Variants in PTGS2 observed in about 807,000 individuals in gnomAD.
PTGS2 encodes prostaglandin G/H synthase 2.
Under a neutral mutation model 63.8 loss-of-function variants are expected in PTGS2, and 14 were observed. The ratio of observed to expected loss-of-function variants is 0.22; its 90% CI spans 0.14 to 0.34. The LOEUF is 0.34. Ranked by LOEUF, PTGS2 falls within the 10% of genes least tolerant of loss-of-function variation. The pLI is 1.00. For missense variants in PTGS2, 533 were observed against 738.5 expected, an observed-to-expected ratio of 0.72 and a Z score of 3.23; for synonymous variants, 271 against 259.5, an observed-to-expected ratio of 1.04 and a Z score of -0.43.
Position 186,677,122 on chromosome 1 carries a change from C to T in PTGS2, c.640-206G>A, listed in dbSNP as rs20433. On this transcript the variant is annotated intron_variant, in intron 5 of 9. Coordinates refer to ENST00000367468, the MANE Select transcript of PTGS2 (RefSeq NM_000963.4). ...CAAACTGATATGTCTTTGTGTTTAA[C>T]GGAATTAATATACTATATTGAGCTT... Among the ~76,000 whole-genome samples the T allele has an allele frequency of 2.2e-4, 34 of 151,880 alleles. 1 individual carries two copies. The East Asian group carries it at 3.3e-3, about 15-fold the overall frequency.
chr1:186,676,802 A>T, intron 6 of PTGS2, 31 bp downstream of exon 6: 2 of 1,604,634 alleles, frequency 1.2e-6, no homozygotes, highest in Non-Finnish European at 1.7e-6. Flanking sequence ...AAGCGGTAAT[A>T]ACTAAGTCTT....
At chr1:186,678,520 T>TA (rs970443873) in intron 3 of PTGS2, 116 bp from the exon 4 acceptor site, 75 of 979,822 alleles carry the variant, frequency 7.7e-5, no homozygotes, top group South Asian at 3.3e-4. Context: ...AACTCCAAAA[T>TA]AAAAAAAATC....
Position 186,674,482 on chromosome 1 carries a change from G to A in PTGS2, c.1686C>T (p.Pro562=), listed in dbSNP as rs777108523. ...SLICNNVKGC[P]FTSFSVPDPE... is the part of the protein sequence containing the mutation. Reference sequence around the variant, plus strand: ...GATCTGGAACACTGAATGAAGTAAAGGGACAGCCCTTCACGTTATTGCAGA... The same window carrying A: ...GATCTGGAACACTGAATGAAGTAAAAGGACAGCCCTTCACGTTATTGCAGA... The change falls in exon 10 of 10, where the codon CCC becomes CCT. Residue 562 remains proline (P), a synonymous_variant. Coordinates refer to ENST00000367468, the MANE Select transcript of PTGS2 (RefSeq NM_000963.4). 1.1e-5 allele frequency: 18 copies of A among 1,614,036 alleles called. No individual in the cohort carries two copies. The highest frequency in any genetic ancestry group is 1.4e-5 in the Non-Finnish European group (17 of 1,180,040).
intron 9 of PTGS2, 94 bp downstream of exon 9, chr1:186,675,155 T>C: frequency 6.6e-7 from 1 of 1,508,656 alleles, no homozygotes; most frequent in Non-Finnish European, 9.0e-7. Flanking sequence ...CCAGCCTGGG[T>C]GACAGAGGGC....
At chr1:186,680,190 C>A (rs1390077682) in intron 1 of PTGS2, 49 bp downstream of exon 1, 3 of 1,549,634 alleles carry the variant, frequency 1.9e-6, no homozygotes, top group Admixed American at 2.0e-5. Flanking sequence ...GGAAACTCTG[C>A]CCGGGTGCGT....
Position 186,678,231 on chromosome 1 carries a change from A to G in PTGS2, c.457+30T>C, listed in dbSNP as rs200589642. On this transcript the variant is annotated intron_variant, in intron 4 of 9. Transcript: ENST00000367468. ...AGCAATGCAGCCCGTCTTATAGTTA[A>G]TACATCTCTAATGGATTCTTCTTAC... is the stretch of plus-strand genomic sequence containing the variant. 1.9e-6 allele frequency: 3 copies of G among 1,568,208 alleles called. No individual in the cohort carries two copies. In the African/African-American group the frequency reaches 4.1e-5, roughly 22 times the overall value.
intron 8 of PTGS2, 65 bp from the exon 9 acceptor site, chr1:186,675,461 T>C: frequency 1.3e-6 from 2 of 1,563,032 alleles, no homozygotes; most frequent in Admixed American, 4.0e-5. Context: ...GTATTCAGCT[T>C]GCCTTAGGTA....
intron 7 of PTGS2, 132 bp downstream of exon 7, chr1:186,676,335 T>A (rs1274199115): frequency 1.5e-5 from 21 of 1,388,530 alleles, no homozygotes; most frequent in Non-Finnish European, 2.1e-5. Context: ...CAGTCATGCT[T>A]ACATATTTAA....
Position 186,674,731 on chromosome 1 carries a change from T to C in PTGS2, c.1437A>G (p.Ala479=). The C allele has an allele frequency of 6.2e-7, 1 of 1,613,132 alleles. No homozygotes were observed. The highest frequency in any genetic ancestry group is 1.7e-5 in the Admixed American group (1 of 59,834). The part of the protein sequence containing the change: ...GEKEMSAELE[A]LYGDIDAVEL... Reference sequence around the variant, plus strand: ...CCACAGCATCGATGTCACCATAGAGTGCTTCCAACTCTGCAGACATTTCCT... The same window carrying C: ...CCACAGCATCGATGTCACCATAGAGCGCTTCCAACTCTGCAGACATTTCCT... The change falls in exon 10 of 10, where the codon GCA becomes GCG. Residue 479 remains alanine (A), a synonymous_variant. Transcript: ENST00000367468.
Position 186,674,554 on chromosome 1 carries a change from T to A in PTGS2, c.1614A>T (p.Gly538=). Residue 538 remains glycine, a synonymous_variant, in exon 10 of 10, where the codon GGA becomes GGT. Transcript: ENST00000367468. ...PAYWKPSTFG[G]EVGFQIINTA... is the part of the protein sequence containing the mutation. ...TGTTGATGATTTGAAAACCCACTTC[T>A]CCACCAAAAGTGCTTGGCTTCCAGT... 6.2e-7 allele frequency: 1 copy of A among 1,614,180 alleles called. No individual in the cohort carries two copies.
At position 186,674,550 on chromosome 1, in the gene PTGS2, C is replaced by T; in HGVS notation, c.1618G>A (p.Val540Met). 1.2e-6 allele frequency: 2 copies of T among 1,614,234 alleles called. No homozygotes were observed. The highest frequency in any genetic ancestry group is 1.7e-6 in the Non-Finnish European group (2 of 1,180,050). ...YWKPSTFGGE[V>M]GFQIINTASI... ...GCAGTGTTGATGATTTGAAAACCCA[C>T]TTCTCCACCAAAAGTGCTTGGCTTC... The change falls in exon 10 of 10, where the codon GTG (valine) becomes ATG (methionine). Residue 540 changes from valine (V) to methionine (M), a missense_variant. Physicochemically the swap from Val to Met is conservative, Grantham distance 21. Coordinates refer to ENST00000367468, the MANE Select transcript of PTGS2 (RefSeq NM_000963.4).
chr1:186,679,059 T>C lies in PTGS2; in HGVS notation c.312A>G (p.Thr104=). Residue 104 remains threonine, a splice_region_variant and synonymous_variant, in exon 3 of 10, where the codon ACA becomes ACG. Coordinates refer to ENST00000367468, the MANE Select transcript of PTGS2 (RefSeq NM_000963.4). Reference sequence around the variant, plus strand: ...CCTTAGAAAGACACTTGTACTTACATGTCAACACATAACTCATAATTGCAT... The same window carrying C: ...CCTTAGAAAGACACTTGTACTTACACGTCAACACATAACTCATAATTGCAT... ...LRNAIMSYVL[T]SRSHLIDSPP... 6.2e-7 allele frequency: 1 copy of C among 1,613,296 alleles called. No homozygotes were observed. The highest frequency in any genetic ancestry group is 2.2e-5 in the East Asian group (1 of 44,864).
In PTGS2 at chr1:186,674,411, G is replaced by T. The variant is rs201772944; in HGVS notation, c.1757C>A (p.Ser586Tyr). Residue 586 changes from serine to tyrosine, a missense_variant, in exon 10 of 10, where the codon TCC becomes TAC. By Grantham distance (144) the Ser-to-Tyr change is moderately radical. Coordinates refer to ENST00000367468, the MANE Select transcript of PTGS2 (RefSeq NM_000963.4). ...TGTGGGATTGATATCATCTAGTCCG[G>T]AGCGGGAAGAACTTGCATTGATGGT... ...TVTINASSSR[S>Y]GLDDINPTVL... 24 of 1,613,882 alleles carry T rather than the reference G, an allele frequency of 1.5e-5. No homozygotes were observed. The highest frequency in any genetic ancestry group is 1.8e-5 in the Non-Finnish European group (21 of 1,179,902).
At position 186,675,892 on chromosome 1, in the gene PTGS2, G is replaced by A. The variant is rs765442119; in HGVS notation, c.1257+6C>T. 3.7e-6 allele frequency: 6 copies of A among 1,607,126 alleles called. No homozygotes were observed. Among genetic ancestry groups the A allele is most frequent in the Non-Finnish European group, 5.1e-6 (6 of 1,175,128 alleles). On this transcript the variant is annotated splice_donor_region_variant and intron_variant, in intron 8 of 9. Transcript: ENST00000367468. ...TTTTGTTTTGGTTTTCAATAATAAT[G>A]CTTACCCTGCCAGCAATTTGCCTGG...
At chr1:186,677,561 C>G in intron 5 of PTGS2, 88 bp downstream of exon 5, 1 of 1,252,068 alleles carries the variant, frequency 8.0e-7, no homozygotes, top group South Asian at 2.0e-5. Context: ...TTATTTGGAT[C>G]TATCTATCTG....
chr1:186,679,157 T>G lies in PTGS2; in HGVS notation c.214A>C (p.Asn72His). The change falls in exon 3 of 10, where the codon AAC becomes CAC. Residue 72 changes from asparagine to histidine, a missense_variant. Asn to His is a moderately conservative substitution (Grantham distance 68, BLOSUM62 1). Around this residue, in one of 5 missense-constraint regions of PTGS2, gnomAD observed 118 missense variants for 144.6 expected, o/e 0.82. Coordinates refer to ENST00000367468, the MANE Select transcript of PTGS2 (RefSeq NM_000963.4). ...RIKLFLKPTP[N>H]TVHYILTHFK... ...TGGGTAAGTATGTAGTGCACTGTGT[T>G]TGGAGTGGGTTTCAGAAATAATTTT... 1.2e-6 allele frequency: 2 copies of G among 1,613,862 alleles called. No individual in the cohort carries two copies. Among genetic ancestry groups the G allele is most frequent in the Non-Finnish European group, 1.7e-6 (2 of 1,179,928 alleles).
rs1457401772 is a variant in PTGS2, at chr1:186,676,875, C to T, written c.681G>A (p.Gln227=). 5 of 1,609,420 alleles carry T rather than the reference C, an allele frequency of 3.1e-6. No homozygotes were observed. The Admixed American group carries it at 6.7e-5, about 22-fold the overall frequency. Residue 227 remains glutamine, a synonymous_variant, in exon 6 of 10, where the codon CAG becomes CAA. Coordinates refer to ENST00000367468, the MANE Select transcript of PTGS2 (RefSeq NM_000963.4). ...NHIYGETLAR[Q]RKLRLFKDGK... ...CATCCTTGAAAAGGCGCAGTTTACGCTGTCTAGCCAGAGTTTCACCGTAAA... is the reference window on the plus strand; with the variant it reads ...CATCCTTGAAAAGGCGCAGTTTACGTTGTCTAGCCAGAGTTTCACCGTAAA...
chr1:186,672,661 G>A lies in PTGS2; in HGVS notation c.*1692C>T, dbSNP rs561009903. On this transcript the variant is annotated 3_prime_UTR_variant, in exon 10 of 10. Coordinates refer to ENST00000367468, the MANE Select transcript of PTGS2 (RefSeq NM_000963.4). The stretch of plus-strand genomic sequence containing the variant: ...TGAGATGTGGAAAAGAAGTATTATC[G>A]TCATTATTATTATTGCTGAGAACTA... 2.6e-5 allele frequency: 4 copies of A among 152,466 alleles called. No homozygotes were observed. Among genetic ancestry groups the A allele is most frequent in the South Asian group, 4.2e-4 (2 of 4,816 alleles). 9.4% of individuals were successfully genotyped at this position (152,466 alleles called of 1,614,324 possible). A position where few individuals can be genotyped will look rare whatever the true frequency, so the allele number is the denominator to read the frequency against.
In PTGS2 at chr1:186,673,865, CT is replaced by C. The variant is rs2102004206; in HGVS notation, c.*487del. ...GTAGACATGAAATTACTGGTAATGT[CT>C]AATTTAAATATTCATTTAATAATGC... On this transcript the variant is annotated 3_prime_UTR_variant, in exon 10 of 10. Coordinates refer to ENST00000367468, the MANE Select transcript of PTGS2 (RefSeq NM_000963.4). The C allele has an allele frequency of 6.6e-6, 1 of 152,294 alleles. No individual in the cohort carries two copies. Among genetic ancestry groups the C allele is most frequent in the South Asian group, 2.1e-4 (1 of 4,826 alleles). The allele number at this position is 152,294 out of a possible 1,614,324, so 9.4% of individuals were successfully genotyped here. A position where few individuals can be genotyped will look rare whatever the true frequency, so the allele number is the denominator to read the frequency against.
Sources: allele counts gnomAD v4.1 joint callset (sites outside exome capture counted in the v4.1 genomes callset), GRCh38; gene constraint gnomAD v4.1.1; regional missense constraint gnomAD v4.1.1; transcripts MANE v1.5; gene names NCBI Gene and HGNC (gene_info 2026-07-23, HGNC 2026-07-21).